The following KRT79 variants were observed in gnomAD, a reference collection of about 807,000 sequenced individuals.
KRT79 encodes keratin, type II cytoskeletal 79.
Under a neutral mutation model 49.0 loss-of-function variants are expected in KRT79, and 51 were observed. The ratio of observed to expected loss-of-function variants is 1.04; its 90% confidence interval spans 0.83 to 1.31. The LOEUF is 1.31. Ranked by LOEUF, KRT79 falls within the 40% of genes most tolerant of loss-of-function variation. The probability of loss-of-function intolerance (pLI) is 0.00; values close to 1 mark genes in which losing one functional copy is unlikely to be tolerated. For synonymous variants in KRT79, 312 were observed against 286.6 expected (o/e 1.09, Z -0.90); for missense variants, 728 against 688.0 (o/e 1.06, Z -0.65).
intron 4 of KRT79, among the ~76,000 whole-genome samples, chr12:52,827,487 G>A (rs1940192745): frequency 6.6e-6 from 1 of 152,174 alleles, no homozygotes; most frequent in Admixed American, 6.5e-5. Flanking sequence ...CCACAAGGAG[G>A]CCCCAGACCA....
intron 1 of KRT79, among the ~76,000 whole-genome samples, chr12:52,833,015 G>A (rs1250648499): frequency 2.0e-5 from 3 of 152,134 alleles, no homozygotes; most frequent in Non-Finnish European, 2.9e-5. Flanking sequence ...ATCATGACCC[G>A]CTGCCTTGGC....
intron 2 of KRT79, among the ~76,000 whole-genome samples, chr12:52,831,074 A>T (rs937496990): frequency 7.3e-6 from 1 of 137,836 alleles, no homozygotes; most frequent in Non-Finnish European, 1.5e-5. Flanking sequence ...AGGCAAAGGT[A>T]AAAAAAAAAG....
intron 2 of KRT79, among the ~76,000 whole-genome samples, chr12:52,830,614 ACC>A (rs1199010331): frequency 2.6e-5 from 4 of 152,206 alleles, no homozygotes; most frequent in African/African-American, 4.8e-5. Context: ...GCTGACCTTT[ACC>A]ATCACTTTCA....
chr12:52,830,216 A>T lies in KRT79; in HGVS notation c.759+16T>A, dbSNP rs758125213. The T allele has an allele frequency of 1.2e-6, 2 of 1,613,694 alleles. No individual in the cohort carries two copies. Among genetic ancestry groups the T allele is most frequent in the South Asian group, 2.2e-5 (2 of 91,042 alleles). On this transcript the variant is annotated intron_variant, in intron 3 of 8. Transcript: ENST00000330553. ...TGGCAGCCAAAGGACCACCTCCCCC[A>T]CTCCACTCGGCTCACCTTCTTGAGC...
intron 6 of KRT79, 23 bp from the exon 7 acceptor site, chr12:52,823,259 G>A (rs962729016): frequency 1.9e-6 from 3 of 1,604,054 alleles, no homozygotes; most frequent in East Asian, 2.2e-5. Flanking sequence ...GAAAGGTGTT[G>A]GAAGCACCCT....
In KRT79 at chr12:52,831,420, C is replaced by T; in HGVS notation, c.684G>A (p.Glu228=). ...GCTCTCCTCACTTGTTCTTGAAGTCCTCCACAAGGTCCTGCACGTTCCTGA... is the reference window on the plus strand; with the variant it reads ...GCTCTCCTCACTTGTTCTTGAAGTCTTCCACAAGGTCCTGCACGTTCCTGA... ...SELRNVQDLV[E]DFKNKYEDEI... Residue 228 remains glutamate, a synonymous_variant, in exon 2 of 9, where the codon GAG becomes GAA. Transcript: ENST00000330553. 6 of 1,614,194 alleles carry T rather than the reference C, an allele frequency of 3.7e-6. No homozygotes were observed. The highest frequency in any genetic ancestry group is 5.1e-6 in the Non-Finnish European group (6 of 1,180,032).
chr12:52,823,856 C>T, intron 6 of KRT79, 31 bp downstream of exon 6: 2 of 1,601,450 alleles, frequency 1.2e-6, no homozygotes, highest in South Asian at 1.1e-5. Flanking sequence ...AACACCTAGG[C>T]CAGACCCCCA....
At position 52,830,338 on chromosome 12, in the gene KRT79, T is replaced by G. The variant is rs748300779; in HGVS notation, c.699-46A>C. 8.2e-6 allele frequency: 13 copies of G among 1,578,310 alleles called. No homozygotes were observed. In the East Asian group the frequency reaches 2.9e-4, roughly 35 times the overall value. ...AGGCCAGGCTCAGCCTGGCTCTGCC[T>G]TTCAGGCATGGGACCCACTCAGCCT... On this transcript the variant is annotated intron_variant, in intron 2 of 8. Coordinates refer to ENST00000330553, the MANE Select transcript of KRT79 (RefSeq NM_175834.3).
chr12:52,823,839 C>G (rs201427820), intron 6 of KRT79, 48 bp downstream of exon 6: 92 of 1,578,812 alleles, frequency 5.8e-5, no homozygotes, highest in Middle Eastern at 2.2e-4. Context: ...AATGAGAAGG[C>G]CCTGCCAACA....
intron 4 of KRT79, among the ~76,000 whole-genome samples, chr12:52,825,220 C>G (rs1248342340): frequency 2.0e-5 from 3 of 152,132 alleles, no homozygotes; most frequent in African/African-American, 7.2e-5. Flanking sequence ...CCAGCTCTGA[C>G]AAATCACTCA....
chr12:52,833,955 C>T lies in KRT79; in HGVS notation c.306G>A (p.Arg102=), dbSNP rs752930073. The change falls in exon 1 of 9, where the codon AGG becomes AGA. Residue 102 remains arginine (R), a synonymous_variant. Transcript: ENST00000330553. ...GAGGACAAGCAGGCCCAAACGTCTGCCTGCCAGCCCCCTGTCCCATAAATG... is the reference window on the plus strand; with the variant it reads ...GAGGACAAGCAGGCCCAAACGTCTGTCTGCCAGCCCCCTGTCCCATAAATG... ...SRAFMGQGAG[R]QTFGPACPPG... 15 of 1,613,200 alleles carry T rather than the reference C, an allele frequency of 9.3e-6. No homozygotes were observed. The highest frequency in any genetic ancestry group is 1.2e-5 in the Non-Finnish European group (14 of 1,179,440).
At chr12:52,832,344 G>T (rs1323532613) in intron 1 of KRT79, among the ~76,000 whole-genome samples, 1 of 152,028 alleles carries the variant, frequency 6.6e-6, no homozygotes, top group African/African-American at 2.4e-5. Context: ...TACTATTCTT[G>T]CAACTTTTCT....
At position 52,834,103 on chromosome 12, in the gene KRT79, C is replaced by T. The variant is rs756679057; in HGVS notation, c.158G>A (p.Gly53Asp). 5 of 1,613,246 alleles carry T rather than the reference C, an allele frequency of 3.1e-6. No individual in the cohort carries two copies. In the South Asian group the frequency reaches 5.5e-5, roughly 18 times the overall value. ...GCTTCGGCTGCCAAAGCCACCTGTG[C>T]CGGGGCCACAGTGGGCCCCGCCACC... Reference protein sequence around the residue: ...GSGGGAHCGPGTGGFGSRSLY... With the variant: ...GSGGGAHCGPDTGGFGSRSLY... Residue 53 changes from glycine (G) to aspartate (D), a missense_variant, in exon 1 of 9, where the codon GGC (glycine) becomes GAC (aspartate). Physicochemically the swap from Gly to Asp is moderately conservative, Grantham distance 94. Coordinates refer to ENST00000330553, the MANE Select transcript of KRT79 (RefSeq NM_175834.3).
In KRT79 at chr12:52,833,836, T is replaced by C; in HGVS notation, c.425A>G (p.Glu142Gly). The C allele has an allele frequency of 6.2e-7, 1 of 1,613,746 alleles. No homozygotes were observed. Among genetic ancestry groups the C allele is most frequent in the Non-Finnish European group, 8.5e-7 (1 of 1,179,950 alleles). The stretch of plus-strand genomic sequence containing the variant: ...GTTGAGGGTCTTGATCTGCTCCCGC[T>C]CCTGAGTGCGCACTCGCTGGATCTC... ...DPEIQRVRTQ[E>G]REQIKTLNNK... Residue 142 changes from glutamate (E) to glycine (G), a missense_variant, in exon 1 of 9, where the codon GAG (glutamate) becomes GGG (glycine). Transcript: ENST00000330553.
chr12:52,833,639 C>T (rs1940288363), intron 1 of KRT79, 145 bp downstream of exon 1: 1 of 748,290 alleles, frequency 1.3e-6, no homozygotes, highest in Non-Finnish European at 2.3e-6. Flanking sequence ...TCTCGGCATC[C>T]CAGGCTCAGA....
chr12:52,830,218 T>C lies in KRT79; in HGVS notation c.759+14A>G, dbSNP rs781401058. The C allele has an allele frequency of 3.1e-6, 5 of 1,613,988 alleles. No homozygotes were observed. On this transcript the variant is annotated intron_variant, in intron 3 of 8. Transcript: ENST00000330553. ...GCAGCCAAAGGACCACCTCCCCCAC[T>C]CCACTCGGCTCACCTTCTTGAGCAC...
intron 1 of KRT79, 50 bp downstream of exon 1, chr12:52,833,734 G>A (rs1479695964): frequency 1.4e-6 from 2 of 1,467,596 alleles, no homozygotes; most frequent in Admixed American, 1.7e-5. Context: ...CTCTATTAGA[G>A]GTCCCGCTTC....
intron 4 of KRT79, among the ~76,000 whole-genome samples, chr12:52,827,136 C>T (rs546742320): frequency 1.3e-5 from 2 of 152,316 alleles, no homozygotes; most frequent in Admixed American, 6.5e-5. Flanking sequence ...GTCCTTCCTG[C>T]TCCTCCTCTA....
rs200984962 is a variant in KRT79 at position 52,824,338 on chromosome 12, C to T, written c.880G>A (p.Val294Met). 78 of 1,614,140 alleles carry T rather than the reference C, an allele frequency of 4.8e-5. No individual in the cohort carries two copies. In the East Asian group the frequency reaches 1.6e-3, roughly 33 times the overall value. ...GACAGCACCACATTGGTGTTAGACA[C>T]GTGGGTCTGCACTTGGCTCAGCTCC... Reference protein sequence around the residue: ...EMELSQVQTHVSNTNVVLSMD... With the variant: ...EMELSQVQTHMSNTNVVLSMD... The change falls in exon 5 of 9, where the codon GTG becomes ATG. Residue 294 changes from valine to methionine, a missense_variant. Transcript: ENST00000330553.
Sources: gnomAD v4.1 joint callset for allele counts (sites outside exome capture counted in the v4.1 genomes callset) on GRCh38, gnomAD v4.1.1 for gene constraint, MANE v1.5 for transcripts, NCBI Gene and HGNC (gene_info 2026-07-23, HGNC 2026-07-21) for gene names.